The following KCTD3 variants were observed in gnomAD, a reference collection of about 807,000 sequenced individuals.
The protein encoded by KCTD3 is potassium channel tetramerization domain containing 3.
In KCTD3, 41 loss-of-function variants were observed where a neutral mutation model predicts 85.8. That is an observed-to-expected ratio of 0.48 (90% CI 0.37 to 0.62). The LOEUF (loss-of-function observed/expected upper bound fraction) is 0.62, where lower values mean the gene tolerates loss of function less well. Among genes scored for constraint, KCTD3 ranks in the 20% least tolerant of loss-of-function variants. The pLI is 0.00. For synonymous variants in KCTD3, 338 were observed against 345.4 expected, an observed-to-expected ratio of 0.98 and a Z score of 0.24; for missense variants, 724 against 989.9, an observed-to-expected ratio of 0.73 and a Z score of 3.60.
At chr1:215,615,217 G>A (rs1005795801) in intron 15 of KCTD3, among the ~76,000 whole-genome samples, 4 of 152,146 alleles carry the variant, frequency 2.6e-5, no homozygotes, top group African/African-American at 7.2e-5. Flanking sequence ...CAAAGATTTT[G>A]TTTAAGGACA....
At chr1:215,604,470 C>T (rs1334558907) in intron 13 of KCTD3, among the ~76,000 whole-genome samples, 168 bp downstream of exon 13, 4 of 152,010 alleles carry the variant, frequency 2.6e-5, no homozygotes, top group Admixed American at 6.6e-5. Context: ...TTGAGCTGGT[C>T]GTGGTGGCTC....
At chr1:215,610,343 T>G (rs770155251) in intron 14 of KCTD3, among the ~76,000 whole-genome samples, 6 of 151,870 alleles carry the variant, frequency 4.0e-5, no homozygotes, top group Non-Finnish European at 7.4e-5. Flanking sequence ...TTTTTATTCC[T>G]CCAACTTTCT....
chr1:215,578,055 T>C lies in KCTD3; in HGVS notation c.371T>C (p.Leu124Pro), dbSNP rs1279161072. The change falls in exon 6 of 18, where the codon CTT (leucine) becomes CCT (proline). Residue 124 changes from leucine to proline, a missense_variant. Coordinates refer to ENST00000259154, the MANE Select transcript of KCTD3 (RefSeq NM_016121.5). Reference protein sequence around the residue: ...ELERSSCGSVLFHGYLPPPGI... With the variant: ...ELERSSCGSVPFHGYLPPPGI... ...GAGCGTTCCTCTTGTGGCAGTGTCCTTTTTCATGGTTACTTGCCCCCACCA... is the reference window on the plus strand; with the variant it reads ...GAGCGTTCCTCTTGTGGCAGTGTCCCTTTTCATGGTTACTTGCCCCCACCA... 1 of 1,610,534 alleles carries C rather than the reference T, an allele frequency of 6.2e-7. No homozygotes were observed. Among genetic ancestry groups the C allele is most frequent in the East Asian group, 2.2e-5 (1 of 44,830 alleles).
chr1:215,618,693 G>T (rs1655549084), intron 15 of KCTD3, 193 bp from the exon 16 acceptor site: 1 of 504,032 alleles, frequency 2.0e-6, no homozygotes, highest in Non-Finnish European at 3.5e-6. Flanking sequence ...TACAATATGG[G>T]CCATCTCCAT....
intron 8 of KCTD3, among the ~76,000 whole-genome samples, chr1:215,584,413 CT>C (rs769129915): frequency 3.3e-5 from 5 of 152,168 alleles, no homozygotes; most frequent in Non-Finnish European, 7.3e-5. Flanking sequence ...TATATAGGCT[CT>C]TTTTAAATTG....
chr1:215,607,996 T>G (rs777767972), intron 13 of KCTD3, 21 bp from the exon 14 acceptor site: 2 of 1,580,192 alleles, frequency 1.3e-6, no homozygotes, highest in Non-Finnish European at 8.6e-7. Context: ...TGTATTCTTT[T>G]GTGTTCTCTT....
In KCTD3 at chr1:215,620,144, G is replaced by A. The variant is rs1217912680; in HGVS notation, c.1974G>A (p.Arg658=). The A allele has an allele frequency of 6.2e-7, 1 of 1,613,466 alleles. No homozygotes were observed. Among genetic ancestry groups the A allele is most frequent in the African/African-American group, 1.3e-5 (1 of 74,894 alleles). ...ACAGAGAAAGTCCTTTATTAGCAAG[G>A]GCAAGAAGGACTGAGAGCTTTCACA... ...RPYRESPLLA[R]ARRTESFHSY... The change falls in exon 18 of 18, where the codon AGG becomes AGA. Residue 658 remains arginine, a synonymous_variant. Transcript: ENST00000259154.
At chr1:215,611,724 A>T in intron 14 of KCTD3, 101 bp from the exon 15 acceptor site, 1 of 715,028 alleles carries the variant, frequency 1.4e-6, no homozygotes, top group Non-Finnish European at 2.4e-6. Context: ...ATTGGTACGT[A>T]TAAGAAATTC....
At chr1:215,576,719 C>G (rs1286957523) in intron 4 of KCTD3, among the ~76,000 whole-genome samples, 2 of 152,120 alleles carry the variant, frequency 1.3e-5, no homozygotes, top group African/African-American at 4.8e-5. Context: ...AGGCACCCGC[C>G]ACCACACCCG....
chr1:215,580,980 G>C, intron 8 of KCTD3: 1 of 466,060 alleles, frequency 2.1e-6, no homozygotes. Context: ...AGAGTGTTTT[G>C]GCTGGGCACG....
At chr1:215,609,622 A>G (rs1052058962) in intron 14 of KCTD3, among the ~76,000 whole-genome samples, 1 of 151,940 alleles carries the variant, frequency 6.6e-6, no homozygotes, top group Admixed American at 6.6e-5. Context: ...ACCAGAAAGG[A>G]GGAATTTATT....
chr1:215,620,001 T>G, intron 17 of KCTD3, 56 bp from the exon 18 acceptor site: 1 of 1,302,178 alleles, frequency 7.7e-7, no homozygotes, highest in Non-Finnish European at 1.1e-6. Context: ...ATTAATATGT[T>G]CCTGAGAAAT....
rs59015398 is a variant in KCTD3 at position 215,607,741 on chromosome 1, C to A, written c.1310-276C>A. On this transcript the variant is annotated intron_variant, in intron 13 of 17. Coordinates refer to ENST00000259154, the MANE Select transcript of KCTD3 (RefSeq NM_016121.5). ...ATAATATTCAGCATCTTTTTTCTTACACACACATTATTTTTAACCTTTACT... is the reference window on the plus strand; with the variant it reads ...ATAATATTCAGCATCTTTTTTCTTAAACACACATTATTTTTAACCTTTACT... Among the ~76,000 whole-genome samples the A allele has an allele frequency of 6.0e-3, 908 of 152,034 alleles. 21 individuals carry two copies. The South Asian group carries it at 0.067, about 11-fold the overall frequency.
chr1:215,618,916 T>A lies in KCTD3; in HGVS notation c.1593T>A (p.Thr531=). Residue 531 remains threonine (T), a synonymous_variant, in exon 16 of 18, where the codon ACT becomes ACA. Coordinates refer to ENST00000259154, the MANE Select transcript of KCTD3 (RefSeq NM_016121.5). ...RICEIQAVDC[T]TISSFTVREC... Reference sequence around the variant, plus strand: ...GTGAGATCCAGGCTGTTGACTGTACTACAATATCCTCATTTACAGTGAGGG... The same window carrying A: ...GTGAGATCCAGGCTGTTGACTGTACAACAATATCCTCATTTACAGTGAGGG... The A allele has an allele frequency of 1.2e-6, 2 of 1,612,050 alleles. No individual in the cohort carries two copies. The highest frequency in any genetic ancestry group is 1.7e-6 in the Non-Finnish European group (2 of 1,179,490).
At chr1:215,593,783 A>G (rs1447947865) in intron 9 of KCTD3, among the ~76,000 whole-genome samples, 1 of 152,142 alleles carries the variant, frequency 6.6e-6, no homozygotes, top group African/African-American at 2.4e-5. Context: ...ATTATTAGAT[A>G]AAAATATATT....
chr1:215,585,817 G>A (rs1659986726), intron 8 of KCTD3, among the ~76,000 whole-genome samples: 1 of 152,150 alleles, frequency 6.6e-6, no homozygotes, highest in Non-Finnish European at 1.5e-5. Context: ...GAATACATTA[G>A]CTTTTACATA....
intron 15 of KCTD3, 42 bp downstream of exon 15, chr1:215,611,963 T>A: frequency 7.7e-7 from 1 of 1,301,776 alleles, no homozygotes; most frequent in Non-Finnish European, 1.1e-6. Context: ...AGAAGCCACC[T>A]TTTGTCTTAC....
chr1:215,573,674 A>G (rs1457981753), intron 1 of KCTD3, 112 bp from the exon 2 acceptor site: 4 of 653,110 alleles, frequency 6.1e-6, no homozygotes, highest in East Asian at 2.7e-5. Flanking sequence ...TGGTACAGCT[A>G]TAACTATAAA....
At chr1:215,591,702 G>C (rs1660231964) in intron 9 of KCTD3, among the ~76,000 whole-genome samples, 1 of 152,148 alleles carries the variant, frequency 6.6e-6, no homozygotes, top group African/African-American at 2.4e-5. Context: ...GGTGCAGTTA[G>C]GCCTTAGCCA....
Sources: gnomAD v4.1 joint callset for allele counts (sites outside exome capture counted in the v4.1 genomes callset) on GRCh38, gnomAD v4.1.1 for gene constraint, MANE v1.5 for transcripts, NCBI Gene and HGNC (gene_info 2026-07-23, HGNC 2026-07-21) for gene names.